The following PRKCZ variants were observed in gnomAD, a reference collection of about 807,000 sequenced individuals.
PRKCZ encodes protein kinase C zeta type.
In PRKCZ, 33 loss-of-function variants were observed where a neutral mutation model predicts 79.5. The observed-to-expected ratio is 0.41, with a 90% CI of 0.31 to 0.55. The LOEUF (loss-of-function observed/expected upper bound fraction) is 0.55, where lower values mean the gene tolerates loss of function less well. Ranked by LOEUF, PRKCZ falls within the 20% of genes least tolerant of loss-of-function variation. PRKCZ has a pLI of 0.19. For missense variants in PRKCZ, 578 were observed against 813.5 expected (o/e 0.71, Z 3.52); for synonymous variants, 342 against 320.9 (o/e 1.07, Z -0.70).
intron 4 of PRKCZ, among the ~76,000 whole-genome samples, chr1:2,083,300 C>T (rs1329859548): frequency 6.6e-6 from 1 of 152,020 alleles, no homozygotes; most frequent in Non-Finnish European, 1.5e-5. Context: ...TCTCTGATTC[C>T]AGCTCCGGGC....
intron 9 of PRKCZ, among the ~76,000 whole-genome samples, chr1:2,152,322 C>T (rs1039732138): frequency 6.6e-6 from 1 of 152,096 alleles, no homozygotes; most frequent in Non-Finnish European, 1.5e-5. Context: ...TACCTGAGGT[C>T]AGGAGTTCAA....
At chr1:2,176,910 C>T (rs1685607679) in intron 16 of PRKCZ, among the ~76,000 whole-genome samples, 1 of 152,246 alleles carries the variant, frequency 6.6e-6, no homozygotes, top group Admixed American at 6.5e-5. Flanking sequence ...CGGGGCCATT[C>T]TCTGTCGTGC....
chr1:2,050,820 C>A, intron 1 of PRKCZ, 119 bp downstream of exon 1: 1 of 636,692 alleles, frequency 1.6e-6, no homozygotes, highest in Non-Finnish European at 2.2e-6. Flanking sequence ...TCGCTGCGGG[C>A]CCGGGGCTGT....
rs1684666681 is a variant in PRKCZ, at chr1:2,172,707, A to C, written c.1285+319A>C. Among the ~76,000 whole-genome samples, 1 of 152,012 alleles carries C rather than the reference A, an allele frequency of 6.6e-6. No individual in the cohort carries two copies. The highest frequency in any genetic ancestry group is 2.4e-5 in the African/African-American group (1 of 41,372). ...AGCACCTGAGTCCCCGTGCTGCACG[A>C]GTGGCTGGGGGAGAAGCTGTTGTCT... On this transcript the variant is annotated intron_variant, in intron 13 of 17. Transcript: ENST00000378567. The surrounding 1 kb of genome is among the most constrained non-coding windows in gnomAD (Gnocchi z 7.8).
chr1:2,167,896 C>G (rs2100209494), intron 10 of PRKCZ, among the ~76,000 whole-genome samples: 1 of 152,282 alleles, frequency 6.6e-6, no homozygotes, highest in East Asian at 1.9e-4. Context: ...TCGTGAGCCA[C>G]CACGCCCAGG....
At chr1:2,117,973 T>A (rs1462484147) in intron 4 of PRKCZ, among the ~76,000 whole-genome samples, 1 of 147,866 alleles carries the variant, frequency 6.8e-6, no homozygotes, top group Non-Finnish European at 1.5e-5. Flanking sequence ...CAACTGTATT[T>A]ATGAGAGAGA....
At chr1:2,101,932 G>A (rs187526611) in intron 4 of PRKCZ, among the ~76,000 whole-genome samples, 1 of 152,344 alleles carries the variant, frequency 6.6e-6, no homozygotes, top group East Asian at 1.9e-4. Flanking sequence ...ATATGTGATA[G>A]GAGCCAGGCA....
intron 4 of PRKCZ, among the ~76,000 whole-genome samples, chr1:2,107,501 C>T (rs1205458747): frequency 2.0e-5 from 3 of 152,198 alleles, no homozygotes; most frequent in African/African-American, 7.2e-5. Context: ...GGTGGGAAAA[C>T]GTGTGCAGAT....
chr1:2,149,423 G>C lies in PRKCZ; in HGVS notation c.687+499G>C, dbSNP rs947022006. ...AGAAGGGAACAGAAGAGCTTGCTGCGTTCTCAGCCTCTGCTCGTAAAACCC... is the reference window on the plus strand; with the variant it reads ...AGAAGGGAACAGAAGAGCTTGCTGCCTTCTCAGCCTCTGCTCGTAAAACCC... On this transcript the variant is annotated intron_variant, in intron 8 of 17. Coordinates refer to ENST00000378567, the MANE Select transcript of PRKCZ (RefSeq NM_002744.6). The surrounding 1 kb of genome is among the most constrained non-coding windows in gnomAD (Gnocchi z 4.1). 2.6e-5 allele frequency among the ~76,000 whole-genome samples: 4 copies of C among 152,178 alleles called. No individual in the cohort carries two copies. The highest frequency in any genetic ancestry group is 9.7e-5 in the African/African-American group (4 of 41,438).
At chr1:2,062,838 C>T (rs967139472) in intron 4 of PRKCZ, among the ~76,000 whole-genome samples, 18 of 152,236 alleles carry the variant, frequency 1.2e-4, no homozygotes, top group African/African-American at 2.2e-4. Flanking sequence ...ATTCGATATT[C>T]GCATTGCTGT....
rs573437062 is a variant in PRKCZ, at chr1:2,149,516, G to C, written c.687+592G>C. 2.6e-5 allele frequency among the ~76,000 whole-genome samples: 4 copies of C among 151,566 alleles called. No homozygotes were observed. In the South Asian group the frequency reaches 6.2e-4, roughly 24 times the overall value. The stretch of plus-strand genomic sequence containing the variant: ...CCAACAAGTGTCACCCTCACAACTC[G>C]TGCTCCTTCCTGGCCATCCTGTGTC... On this transcript the variant is annotated intron_variant, in intron 8 of 17. Coordinates refer to ENST00000378567, the MANE Select transcript of PRKCZ (RefSeq NM_002744.6). The surrounding 1 kb of genome is among the most constrained non-coding windows in gnomAD (Gnocchi z 4.1).
At chr1:2,159,650 C>T (rs528132680) in intron 10 of PRKCZ, among the ~76,000 whole-genome samples, 21 of 152,314 alleles carry the variant, frequency 1.4e-4, no homozygotes, top group Non-Finnish European at 2.2e-4. Context: ...GTCCACTGGG[C>T]GGCTACAGGG....
At position 2,184,469 on chromosome 1, in the gene PRKCZ, T is replaced by C. The variant is rs141442853; in HGVS notation, c.1576-114T>C. 560 of 729,470 alleles carry C rather than the reference T, an allele frequency of 7.7e-4. 6 individuals carry two copies. The East Asian group carries it at 0.015, about 19-fold the overall frequency. 45.2% of individuals were successfully genotyped at this position (729,470 alleles called of 1,614,324 possible). ...CTTGGCAGTCAAATACTAGGCAGAT[T>C]GAAATGCTGACTTTCTCACTGTTTC... On this transcript the variant is annotated intron_variant, in intron 16 of 17. Transcript: ENST00000378567.
chr1:2,154,273 G>A (rs1299107983), intron 9 of PRKCZ, among the ~76,000 whole-genome samples: 1 of 152,130 alleles, frequency 6.6e-6, no homozygotes, highest in African/African-American at 2.4e-5. Flanking sequence ...CACATGTTGA[G>A]CAGCCGTCGG....
In PRKCZ at chr1:2,128,794, C is replaced by G. The variant is rs571908523; in HGVS notation, c.335-6468C>G. ...GACCCCAGGCTGTGTCCACACGTAC[C>G]CCCGGAAGGACCTCCTGCTAACCTG... On this transcript the variant is annotated intron_variant, in intron 4 of 17. Transcript: ENST00000378567. This position sits in a 1 kb window ranked among gnomAD's most constrained non-coding sequence, Gnocchi z 6.5. Among the ~76,000 whole-genome samples, 2 of 152,280 alleles carry G rather than the reference C, an allele frequency of 1.3e-5. No homozygotes were observed. The highest frequency in any genetic ancestry group is 4.1e-4 in the South Asian group (2 of 4,830).
intron 10 of PRKCZ, among the ~76,000 whole-genome samples, chr1:2,160,558 TG>T (rs1186661502): frequency 6.6e-6 from 1 of 152,178 alleles, no homozygotes; most frequent in Non-Finnish European, 1.5e-5. Context: ...AAGCTGGACT[TG>T]GCCAAGAGGC....
chr1:2,053,492 C>T lies in PRKCZ; in HGVS notation c.72-1949C>T, dbSNP rs556621970. 1.7e-4 allele frequency among the ~76,000 whole-genome samples: 26 copies of T among 152,286 alleles called. No homozygotes were observed. In the South Asian group the frequency reaches 5.2e-3, roughly 30 times the overall value. ...CAGAGACGCAGGAGTCTCTCCCGGG[C>T]GGCCCAGCTGGCTGCTGGGTGCTGA... On this transcript the variant is annotated intron_variant, in intron 1 of 17. Transcript: ENST00000378567.
intron 10 of PRKCZ, among the ~76,000 whole-genome samples, chr1:2,161,894 G>A (rs1243960622): frequency 6.6e-6 from 1 of 151,870 alleles, no homozygotes; most frequent in Non-Finnish European, 1.5e-5. Flanking sequence ...CTGAAATTGT[G>A]CCTTTGCTGC....
At chr1:2,121,578 ATGG>A (rs1187841238) in intron 4 of PRKCZ, among the ~76,000 whole-genome samples, 2 of 99,922 alleles carry the variant, frequency 2.0e-5, no homozygotes, top group Admixed American at 1.3e-4. Flanking sequence ...AGTTAGGGTG[ATGG>A]TGGTAGTTAA....
Sources: allele counts gnomAD v4.1 joint callset (sites outside exome capture counted in the v4.1 genomes callset), GRCh38; gene constraint gnomAD v4.1.1; non-coding constraint Gnocchi (gnomAD v3.1); transcripts MANE v1.5; gene names NCBI Gene and HGNC (gene_info 2026-07-23, HGNC 2026-07-21).